VGLL2: variants seen among roughly 807,000 people sequenced by gnomAD.
VGLL2 encodes vestigial like family member 2.
VGLL2 carries 18 observed loss-of-function variants against 27.0 expected under a neutral mutation model. The observed-to-expected ratio is 0.67, with a 90% CI of 0.46 to 0.99. VGLL2 has a LOEUF of 0.99. VGLL2 is among the 50% of genes least tolerant of loss of function. The pLI is 0.00. For missense variants in VGLL2, 491 were observed against 452.3 expected (o/e 1.09, Z -0.78); for synonymous variants, 220 against 201.1 (o/e 1.09, Z -0.80).
intron 2 of VGLL2, 137 bp from the exon 3 acceptor site, chr6:117,270,406 G>A: frequency 1.7e-6 from 2 of 1,150,180 alleles, no homozygotes; most frequent in Non-Finnish European, 2.3e-6. Flanking sequence ...CATCAGCCCC[G>A]GCCATGGCTA....
At chr6:117,269,680 C>T (rs1773140675) in intron 2 of VGLL2, among the ~76,000 whole-genome samples, 1 of 152,190 alleles carries the variant, frequency 6.6e-6, no homozygotes, top group Non-Finnish European at 1.5e-5. Flanking sequence ...CTGTCTTTCT[C>T]TCCCTTCTTA....
In VGLL2 at chr6:117,268,406, T is replaced by C; in HGVS notation, c.306T>C (p.His102=). The change falls in exon 2 of 4, where the codon CAT becomes CAC. Residue 102 remains histidine (H), a synonymous_variant. Transcript: ENST00000326274. The part of the protein sequence containing the change: ...QGDISSVVDE[H]FSRALSQPSS... ...ACATCAGCTCCGTGGTGGATGAACA[T>C]TTCAGCAGGGCCCTGAGCCAACCCA... The C allele has an allele frequency of 1.2e-6, 2 of 1,613,964 alleles. No individual in the cohort carries two copies. The highest frequency in any genetic ancestry group is 1.7e-6 in the Non-Finnish European group (2 of 1,179,966).
chr6:117,267,562 C>T (rs1214314677), intron 1 of VGLL2, among the ~76,000 whole-genome samples: 1 of 152,132 alleles, frequency 6.6e-6, no homozygotes, highest in Non-Finnish European at 1.5e-5. Context: ...TCATGTTACC[C>T]CAGATTTTTA....
At chr6:117,267,021 T>G (rs963853895) in intron 1 of VGLL2, among the ~76,000 whole-genome samples, 1 of 152,160 alleles carries the variant, frequency 6.6e-6, no homozygotes, top group South Asian at 2.1e-4. Flanking sequence ...GTGGTGATAT[T>G]GCTAAATCTT....
At chr6:117,270,098 G>C (rs558705142) in intron 2 of VGLL2, among the ~76,000 whole-genome samples, 10 of 152,274 alleles carry the variant, frequency 6.6e-5, no homozygotes, top group African/African-American at 2.4e-4. Flanking sequence ...GGCCGACCAA[G>C]AGTGGGAAGA....
At chr6:117,266,793 C>T (rs895307899) in intron 1 of VGLL2, among the ~76,000 whole-genome samples, 4 of 152,282 alleles carry the variant, frequency 2.6e-5, no homozygotes, top group Non-Finnish European at 5.9e-5. Context: ...GAAATACACC[C>T]CAATGCCCCA....
chr6:117,271,557 T>A (rs546914745), intron 3 of VGLL2, among the ~76,000 whole-genome samples: 2 of 152,250 alleles, frequency 1.3e-5, no homozygotes, highest in African/African-American at 4.8e-5. Context: ...TGAAATATTT[T>A]CAACACATTG....
Position 117,270,831 on chromosome 6 carries a change from T to A in VGLL2, c.680T>A (p.Val227Glu). ...GCCCCCTACCCGCGCCCCGCCGCCGTGCACGAAGTCTACGCGCCGCACTTC... is the reference window on the plus strand; with the variant it reads ...GCCCCCTACCCGCGCCCCGCCGCCGAGCACGAAGTCTACGCGCCGCACTTC... Reference protein sequence around the residue: ...QAAPYPRPAAVHEVYAPHFDP... With the variant: ...QAAPYPRPAAEHEVYAPHFDP... The change falls in exon 3 of 4, where the codon GTG (valine) becomes GAG (glutamate). Residue 227 changes from valine to glutamate, a missense_variant. By Grantham distance (121) the Val-to-Glu change is moderately radical. Transcript: ENST00000326274. The A allele has an allele frequency of 7.0e-7, 1 of 1,430,046 alleles. No individual in the cohort carries two copies. Among genetic ancestry groups the A allele is most frequent in the South Asian group, 1.4e-5 (1 of 73,726 alleles). The allele number at this position is 1,430,046 out of a possible 1,614,324, so 88.6% of individuals were successfully genotyped here.
At chr6:117,268,033 T>C (rs1223193535) in intron 1 of VGLL2, 149 bp from the exon 2 acceptor site, 4 of 838,062 alleles carry the variant, frequency 4.8e-6, no homozygotes, top group African/African-American at 1.7e-5. Flanking sequence ...TGCCCCGCTA[T>C]TGCTAGTTTT....
intron 1 of VGLL2, 85 bp from the exon 2 acceptor site, chr6:117,268,097 A>T: frequency 7.4e-7 from 1 of 1,351,812 alleles, no homozygotes; most frequent in South Asian, 1.3e-5. Flanking sequence ...TAAATACCTT[A>T]GAGATTAGGA....
intron 3 of VGLL2, 78 bp from the exon 4 acceptor site, chr6:117,272,376 G>C: frequency 6.2e-7 from 1 of 1,613,114 alleles, no homozygotes; most frequent in Non-Finnish European, 8.5e-7. Context: ...TTCCCTGTAG[G>C]TCTCTGCATA....
chr6:117,272,490 G>T lies in VGLL2; in HGVS notation c.950G>T (p.Ser317Ile). Reference sequence around the variant, plus strand: ...TCCCTCTGTGGTGCATCCCTCCTGAGCTGATCTGCTGACCCAGGGTTTCCC... The same window carrying T: ...TCCCTCTGTGGTGCATCCCTCCTGATCTGATCTGCTGACCCAGGGTTTCCC... ...RYSLCGASLL[S>I] The change falls in exon 4 of 4, where the codon AGC becomes ATC. Residue 317 changes from serine (S) to isoleucine (I), a missense_variant. By Grantham distance (142) the Ser-to-Ile change is moderately radical. Coordinates refer to ENST00000326274, the MANE Select transcript of VGLL2 (RefSeq NM_182645.3). 1 of 1,614,154 alleles carries T rather than the reference G, an allele frequency of 6.2e-7. No homozygotes were observed.
rs1255270031 is a variant in VGLL2 at position 117,270,927 on chromosome 6, C to G, written c.776C>G (p.Ala259Gly). Reference sequence around the variant, plus strand: ...CCGGCCCGCCTCGCAACCGCCCCGGCGCCCGCGCCCGGCAGTCCTCCCTGC... The same window carrying G: ...CCGGCCCGCCTCGCAACCGCCCCGGGGCCCGCGCCCGGCAGTCCTCCCTGC... The part of the protein sequence containing the change: ...GRPARLATAP[A>G]PAPGSPPCEL... Residue 259 changes from alanine (A) to glycine (G), a missense_variant, in exon 3 of 4, where the codon GCG (alanine) becomes GGG (glycine). Ala to Gly is a moderately conservative substitution (Grantham distance 60, BLOSUM62 0). Transcript: ENST00000326274. 29 of 1,242,546 alleles carry G rather than the reference C, an allele frequency of 2.3e-5. No individual in the cohort carries two copies. The highest frequency in any genetic ancestry group is 2.9e-5 in the Non-Finnish European group (29 of 998,922). 77.0% of individuals were successfully genotyped at this position (1,242,546 alleles called of 1,614,324 possible).
Position 117,268,340 on chromosome 6 carries a change from C to T in VGLL2, c.240C>T (p.Tyr80=). ...PEKERPPEAE[Y]INSRCVLFTY... is the part of the protein sequence containing the mutation. ...AAGAGCGCCCACCAGAGGCAGAGTA[C>T]ATCAACTCCCGCTGCGTCCTCTTCA... is the stretch of plus-strand genomic sequence containing the variant. The change falls in exon 2 of 4, where the codon TAC becomes TAT. Residue 80 remains tyrosine (Y), a synonymous_variant. Transcript: ENST00000326274. The T allele has an allele frequency of 6.2e-7, 1 of 1,614,162 alleles. No homozygotes were observed. Among genetic ancestry groups the T allele is most frequent in the Non-Finnish European group, 8.5e-7 (1 of 1,180,034 alleles).
chr6:117,272,614 G>A lies in VGLL2; in HGVS notation c.*120G>A, dbSNP rs1428805044. 3.4e-6 allele frequency: 5 copies of A among 1,469,112 alleles called. No homozygotes were observed. In the African/African-American group the frequency reaches 5.7e-5, roughly 17 times the overall value. The allele number at this position is 1,469,112 out of a possible 1,614,324, so 91.0% of individuals were successfully genotyped here. ...GAAGGCAGAGACTTCAGACTTCTCA[G>A]TGTGTTGGGAAAACCAAAAACCACA... On this transcript the variant is annotated 3_prime_UTR_variant, in exon 4 of 4. Transcript: ENST00000326274.
At chr6:117,268,086 A>G in intron 1 of VGLL2, 96 bp from the exon 2 acceptor site, 1 of 1,311,110 alleles carries the variant, frequency 7.6e-7, no homozygotes, top group Non-Finnish European at 1.1e-6. Flanking sequence ...CAGTTTCCCC[A>G]TAAATACCTT....
rs1773046888 is a variant in VGLL2, at chr6:117,265,621, G to A, written c.-143G>A. The stretch of plus-strand genomic sequence containing the variant: ...GAGTGGGAGGGTAGCGAGCCAGCTG[G>A]ATTCCGAGCCGCGGAGCGCGCTGGC... On this transcript the variant is annotated 5_prime_UTR_variant, in exon 1 of 4. Coordinates refer to ENST00000326274, the MANE Select transcript of VGLL2 (RefSeq NM_182645.3). 2 of 701,282 alleles carry A rather than the reference G, an allele frequency of 2.9e-6. No homozygotes were observed. Among genetic ancestry groups the A allele is most frequent in the Non-Finnish European group, 5.0e-6 (2 of 398,936 alleles). 43.4% of individuals were successfully genotyped at this position (701,282 alleles called of 1,614,324 possible). A position where few individuals can be genotyped will look rare whatever the true frequency, so the allele number is the denominator to read the frequency against.
At position 117,265,626 on chromosome 6, in the gene VGLL2, C is replaced by T; in HGVS notation, c.-138C>T. 1.4e-6 allele frequency: 1 copy of T among 724,676 alleles called. No individual in the cohort carries two copies. Among genetic ancestry groups the T allele is most frequent in the Non-Finnish European group, 2.4e-6 (1 of 418,616 alleles). The allele number at this position is 724,676 out of a possible 1,614,324, so 44.9% of individuals were successfully genotyped here. A position where few individuals can be genotyped will look rare whatever the true frequency, so the allele number is the denominator to read the frequency against. On this transcript the variant is annotated 5_prime_UTR_variant, in exon 1 of 4. Transcript: ENST00000326274. ...GGAGGGTAGCGAGCCAGCTGGATTC[C>T]GAGCCGCGGAGCGCGCTGGCTTTGC...
intron 1 of VGLL2, among the ~76,000 whole-genome samples, chr6:117,266,623 G>C (rs1237754369): frequency 1.3e-5 from 2 of 152,140 alleles, no homozygotes; most frequent in Non-Finnish European, 2.9e-5. Flanking sequence ...TTGTCTTCAG[G>C]CTGCGTCTGT....
Sources: allele counts gnomAD v4.1 joint callset (sites outside exome capture counted in the v4.1 genomes callset), GRCh38; gene constraint gnomAD v4.1.1; transcripts MANE v1.5; gene names NCBI Gene and HGNC (gene_info 2026-07-23, HGNC 2026-07-21).